Variants in UBE2J2 observed in about 807,000 individuals in gnomAD.
The protein encoded by UBE2J2 is ubiquitin conjugating enzyme E2 J2.
UBE2J2 carries 5 observed loss-of-function variants against 28.6 expected under a neutral mutation model. The ratio of observed to expected loss-of-function variants is 0.17; its 90% CI spans 0.09 to 0.37. The LOEUF (loss-of-function observed/expected upper bound fraction) is 0.37, where lower values mean the gene tolerates loss of function less well. UBE2J2 is among the 10% of genes least tolerant of loss of function. The pLI, the probability that UBE2J2 is intolerant of heterozygous loss-of-function variation, is 1.00. For synonymous variants in UBE2J2, 138 were observed against 139.7 expected, an observed-to-expected ratio of 0.99 and a Z score of 0.09; for missense variants, 226 against 338.9, an observed-to-expected ratio of 0.67 and a Z score of 2.62.
intron 2 of UBE2J2, among the ~76,000 whole-genome samples, chr1:1,265,603 TTGTGTGTGTGTGTGTGTGTGTGTGTGTG>T (rs57125925): frequency 9.9e-5 from 12 of 120,948 alleles, no homozygotes; most frequent in Non-Finnish European, 1.3e-4. Context: ...TTTCTCTCCA[TTGTGTGTGTGTGTGTGTGTGTGTGTGTG>T]TGTGTGTGTG....
intron 3 of UBE2J2, among the ~76,000 whole-genome samples, chr1:1,262,651 GC>G (rs2101062158): frequency 6.6e-6 from 1 of 152,312 alleles, no homozygotes; most frequent in Non-Finnish European, 1.5e-5. Flanking sequence ...GCCCTGCTCT[GC>G]CTTGTGCTTG....
chr1:1,259,368 G>A (rs553536380), intron 3 of UBE2J2, among the ~76,000 whole-genome samples: 10 of 152,202 alleles, frequency 6.6e-5, no homozygotes, highest in South Asian at 2.1e-4. Context: ...ACGTGCATGC[G>A]TGTGTATGCG....
rs1268175928 is a variant in UBE2J2 at position 1,267,929 on chromosome 1, G to A, written c.64C>T (p.Leu22Phe). The A allele has an allele frequency of 1.9e-6, 3 of 1,614,108 alleles. No homozygotes were observed. Among genetic ancestry groups the A allele is most frequent in the Non-Finnish European group, 2.5e-6 (3 of 1,179,996 alleles). ...TATQRLKQDY[L>F]RIKKDPVPYI... is the part of the protein sequence containing the mutation. ...GGCACCGGGTCTTTCTTAATGCGAAGGTAGTCCTGCTTCAGCCTCTGGGTT... is the reference window on the plus strand; with the variant it reads ...GGCACCGGGTCTTTCTTAATGCGAAAGTAGTCCTGCTTCAGCCTCTGGGTT... Residue 22 changes from leucine to phenylalanine, a missense_variant, in exon 2 of 7, where the codon CTT becomes TTT. Physicochemically the swap from Leu to Phe is conservative, Grantham distance 22. Around this residue, in one of 3 missense-constraint regions of UBE2J2, gnomAD observed 80 missense variants for 114.5 expected, o/e 0.70. Transcript: ENST00000349431.
chr1:1,257,249 G>A lies in UBE2J2; in HGVS notation c.234C>T (p.Ile78=). 1.2e-6 allele frequency: 2 copies of A among 1,613,302 alleles called. No homozygotes were observed. Among genetic ancestry groups the A allele is most frequent in the Non-Finnish European group, 1.7e-6 (2 of 1,179,748 alleles). Reference sequence around the variant, plus strand: ...ACCTCCCGTTGGGAGTGATCATATAGATACTGGGAGGTTTGAAAGGAAATT... The same window carrying A: ...ACCTCCCGTTGGGAGTGATCATATAAATACTGGGAGGTTTGAAAGGAAATT... ...PREFPFKPPS[I]YMITPNGRFK... Residue 78 remains isoleucine (I), a synonymous_variant, in exon 4 of 7, where the codon ATC becomes ATT. Coordinates refer to ENST00000349431, the MANE Select transcript of UBE2J2 (RefSeq NM_058167.3).
chr1:1,257,785 C>A (rs1252641629), intron 3 of UBE2J2, among the ~76,000 whole-genome samples: 1 of 152,018 alleles, frequency 6.6e-6, no homozygotes, highest in African/African-American at 2.4e-5. Flanking sequence ...CCGTTTGCTT[C>A]CCCGACCCAA....
intron 3 of UBE2J2, among the ~76,000 whole-genome samples, chr1:1,258,956 C>A (rs1639376318): frequency 6.6e-6 from 1 of 152,226 alleles, no homozygotes; most frequent in East Asian, 1.9e-4. Context: ...GTGCACAAGC[C>A]AGGACTCCCT....
chr1:1,270,103 A>T (rs1259485908), intron 1 of UBE2J2, among the ~76,000 whole-genome samples: 1 of 152,076 alleles, frequency 6.6e-6, no homozygotes, highest in African/African-American at 2.4e-5. Context: ...CTGCCATGTG[A>T]GACATGCCTC....
At chr1:1,266,298 TA>T (rs1330263061) in intron 2 of UBE2J2, 177 of 768,708 alleles carry the variant, frequency 2.3e-4, no homozygotes, top group South Asian at 4.9e-4. Flanking sequence ...TCTCTGGAAT[TA>T]AAAAAAATTA....
rs761698944 is a variant in UBE2J2 at position 1,256,169 on chromosome 1, T to C, written c.415-44A>G. 6 of 1,404,498 alleles carry C rather than the reference T, an allele frequency of 4.3e-6. No individual in the cohort carries two copies. The South Asian group carries it at 5.9e-5, about 14-fold the overall frequency. 87.0% of individuals were successfully genotyped at this position (1,404,498 alleles called of 1,614,324 possible). On this transcript the variant is annotated intron_variant, in intron 5 of 6. Coordinates refer to ENST00000349431, the MANE Select transcript of UBE2J2 (RefSeq NM_058167.3). ...GAATCAGCCAGAAAACTAATTTCAA[T>C]TCTTTCAAGATTCTAAAAACAGATG... is the stretch of plus-strand genomic sequence containing the variant.
chr1:1,263,183 G>T, intron 3 of UBE2J2, 163 bp downstream of exon 3: 2 of 679,940 alleles, frequency 2.9e-6, no homozygotes, highest in South Asian at 3.3e-5. Flanking sequence ...CACTTCCAGC[G>T]TGTGGAGAAG....
intron 2 of UBE2J2, chr1:1,266,079 T>C: frequency 7.7e-7 from 1 of 1,304,006 alleles, no homozygotes; most frequent in African/African-American, 1.5e-5. Context: ...GCGGCTACCG[T>C]GGAACTTGTC....
At chr1:1,256,809 C>T (rs1218099574) in intron 5 of UBE2J2, among the ~76,000 whole-genome samples, 183 bp downstream of exon 5, 5 of 151,506 alleles carry the variant, frequency 3.3e-5, no homozygotes, top group Non-Finnish European at 7.4e-5. Flanking sequence ...TGGCGTGAAC[C>T]CCGGGGGGCG....
chr1:1,267,110 A>C (rs1639913007), intron 2 of UBE2J2, among the ~76,000 whole-genome samples: 1 of 151,950 alleles, frequency 6.6e-6, no homozygotes, highest in African/African-American at 2.4e-5. Flanking sequence ...GCTGGTCTCG[A>C]ACTCCTGACC....
intron 2 of UBE2J2, chr1:1,266,317 C>A: frequency 1.8e-6 from 1 of 549,746 alleles, no homozygotes; most frequent in Non-Finnish European, 2.7e-6. Context: ...TTAGGCCAGG[C>A]ATGGTGGCTC....
At position 1,268,470 on chromosome 1, in the gene UBE2J2, A is replaced by C. The variant is rs1349488099; in HGVS notation, c.1-478T>G. On this transcript the variant is annotated intron_variant, in intron 1 of 6. Coordinates refer to ENST00000349431, the MANE Select transcript of UBE2J2 (RefSeq NM_058167.3). The surrounding 1 kb of genome is among the most constrained non-coding windows in gnomAD (Gnocchi z 4.7). The stretch of plus-strand genomic sequence containing the variant: ...CCCGGAAGCCCGCTGCCCAGCATTT[A>C]CCACTAGCCACAAGCAAAACGAGCC... Among the ~76,000 whole-genome samples the C allele has an allele frequency of 1.3e-5, 2 of 152,042 alleles. No homozygotes were observed. The highest frequency in any genetic ancestry group is 2.4e-5 in the African/African-American group (1 of 41,404).
At chr1:1,261,254 C>T (rs1022934277) in intron 3 of UBE2J2, among the ~76,000 whole-genome samples, 1 of 152,202 alleles carries the variant, frequency 6.6e-6, no homozygotes, top group African/African-American at 2.4e-5. Flanking sequence ...GCAGCAGTGC[C>T]ATAGAGGGAA....
At chr1:1,271,503 C>T (rs1640141517) in intron 1 of UBE2J2, 1 of 152,188 alleles carries the variant, frequency 6.6e-6, no homozygotes, top group African/African-American at 2.4e-5. Flanking sequence ...AAGCTTCTCT[C>T]CCATACCTGC....
intron 3 of UBE2J2, among the ~76,000 whole-genome samples, chr1:1,261,265 A>G (rs1032319294): frequency 1.3e-5 from 2 of 152,218 alleles, no homozygotes; most frequent in Admixed American, 1.3e-4. Context: ...ATAGAGGGAA[A>G]TGGGAGGGGC....
chr1:1,256,361 A>G (rs954378848), intron 5 of UBE2J2: 8 of 429,000 alleles, frequency 1.9e-5, no homozygotes, highest in African/African-American at 1.2e-4. Flanking sequence ...CAAGCCACCA[A>G]AGCACCGGGC....
Sources: gnomAD v4.1 joint callset for allele counts (sites outside exome capture counted in the v4.1 genomes callset) on GRCh38, gnomAD v4.1.1 for gene constraint, gnomAD v4.1.1 regional missense constraint, Gnocchi (gnomAD v3.1) non-coding constraint, MANE v1.5 for transcripts, NCBI Gene and HGNC (gene_info 2026-07-23, HGNC 2026-07-21) for gene names.